KHDRBS3: variants seen among roughly 807,000 people sequenced by gnomAD.
The protein encoded by KHDRBS3 is KH RNA binding domain containing, signal transduction associated 3.
Under a neutral mutation model 45.6 loss-of-function variants are expected in KHDRBS3, and 23 were observed. The ratio of observed to expected loss-of-function variants is 0.50; its 90% CI spans 0.36 to 0.72. The LOEUF (loss-of-function observed/expected upper bound fraction) is 0.72, where lower values mean the gene tolerates loss of function less well. KHDRBS3 is among the 30% of genes least tolerant of loss of function. KHDRBS3 has a pLI of 0.00. For synonymous variants in KHDRBS3, 162 were observed against 156.5 expected (o/e 1.04, Z -0.26); for missense variants, 352 against 424.8 (o/e 0.83, Z 1.51).
intron 1 of KHDRBS3, among the ~76,000 whole-genome samples, chr8:135,476,634 C>G (rs764708595): frequency 7.2e-5 from 11 of 152,164 alleles, no homozygotes; most frequent in Non-Finnish European, 1.5e-4. Context: ...GGTAATAACA[C>G]TGTTACCATT....
At chr8:135,580,066 C>G (rs1428499824) in intron 5 of KHDRBS3, among the ~76,000 whole-genome samples, 3 of 152,168 alleles carry the variant, frequency 2.0e-5, no homozygotes, top group Non-Finnish European at 4.4e-5. Context: ...CTTTTCCTCC[C>G]CATCTCTGGC....
chr8:135,467,503 T>G (rs1234373879), intron 1 of KHDRBS3, among the ~76,000 whole-genome samples: 2 of 152,268 alleles, frequency 1.3e-5, no homozygotes, highest in African/African-American at 4.8e-5. Context: ...GGTTTCAGTT[T>G]GCAGTAGCTG....
intron 5 of KHDRBS3, among the ~76,000 whole-genome samples, chr8:135,574,129 A>G (rs994938243): frequency 6.6e-6 from 1 of 152,034 alleles, no homozygotes; most frequent in African/African-American, 2.4e-5. Context: ...ACTTTGCGAT[A>G]AGACAGGATT....
chr8:135,552,804 G>C (rs1487096929), intron 4 of KHDRBS3, among the ~76,000 whole-genome samples: 1 of 152,034 alleles, frequency 6.6e-6, no homozygotes, highest in Non-Finnish European at 1.5e-5. Flanking sequence ...GATGTTGTCT[G>C]TGTCAGCACT....
rs913124255 is a variant in KHDRBS3, at chr8:135,642,359, G to A, written c.891-2700G>A. ...GGCCTCAGCTGCCTCGTCTATAAAAGCATAGAGTTTTTTTAGATTAGGTGA... is the reference window on the plus strand; with the variant it reads ...GGCCTCAGCTGCCTCGTCTATAAAAACATAGAGTTTTTTTAGATTAGGTGA... On this transcript the variant is annotated intron_variant, in intron 7 of 8. Coordinates refer to ENST00000355849, the MANE Select transcript of KHDRBS3 (RefSeq NM_006558.3). 2.0e-5 allele frequency among the ~76,000 whole-genome samples: 3 copies of A among 152,216 alleles called. No individual in the cohort carries two copies. The South Asian group carries it at 6.2e-4, about 32-fold the overall frequency.
intron 5 of KHDRBS3, among the ~76,000 whole-genome samples, chr8:135,568,574 A>G (rs886198420): frequency 2.0e-5 from 3 of 152,232 alleles, no homozygotes; most frequent in Non-Finnish European, 4.4e-5. Context: ...GAGTGTTTAT[A>G]AAGAAGCCCA....
intron 2 of KHDRBS3, among the ~76,000 whole-genome samples, chr8:135,524,175 C>G (rs1825060574): frequency 6.6e-6 from 1 of 152,090 alleles, no homozygotes; most frequent in Non-Finnish European, 1.5e-5. Context: ...ACCACCATGC[C>G]TGGCTAACAT....
Position 135,645,587 on chromosome 8 carries a change from AGCACT to A in KHDRBS3, c.949+472_949+476del, listed in dbSNP as rs568942424. On this transcript the variant is annotated intron_variant, in intron 8 of 8. Transcript: ENST00000355849. The stretch of plus-strand genomic sequence containing the variant: ...GGAGTCATTTCATAAAGGTTACAAA[AGCACT>A]GAGCCAAGGAGGAGATACAGGGTCT... Among the ~76,000 whole-genome samples the A allele has an allele frequency of 1.0e-3, 158 of 152,348 alleles. 1 individual carries two copies. The highest frequency in any genetic ancestry group is 3.8e-3 in the African/African-American group (156 of 41,568).
intron 4 of KHDRBS3, among the ~76,000 whole-genome samples, chr8:135,655,466 C>T (rs2058311527): frequency 6.6e-6 from 1 of 152,170 alleles, no homozygotes; most frequent in Non-Finnish European, 1.5e-5. Context: ...AGGAGGGTGT[C>T]AACCAAGACA....
Position 135,550,873 on chromosome 8 carries a change from C to T in KHDRBS3, c.471+1973C>T, listed in dbSNP as rs373272708. 2.6e-4 allele frequency among the ~76,000 whole-genome samples: 40 copies of T among 152,208 alleles called. No homozygotes were observed. In the East Asian group the frequency reaches 6.0e-3, roughly 23 times the overall value. On this transcript the variant is annotated intron_variant, in intron 4 of 8. Coordinates refer to ENST00000355849, the MANE Select transcript of KHDRBS3 (RefSeq NM_006558.3). The stretch of plus-strand genomic sequence containing the variant: ...TCCAGGAACATGAAATGTTTCTTCA[C>T]TTTTAAAAAAGATATTTTAAAATTT...
intron 6 of KHDRBS3, among the ~76,000 whole-genome samples, chr8:135,586,059 AC>A (rs1158590279): frequency 6.6e-6 from 1 of 152,210 alleles, no homozygotes; most frequent in Non-Finnish European, 1.5e-5. Context: ...AGAAAAACCT[AC>A]TGTAAATCTC....
chr8:135,521,155 A>G (rs1397737605), intron 1 of KHDRBS3, 82 bp from the exon 2 acceptor site: 7 of 766,188 alleles, frequency 9.1e-6, no homozygotes, highest in East Asian at 2.5e-5. Flanking sequence ...AGTTGATTTC[A>G]TGCCACTACA....
intron 1 of KHDRBS3, among the ~76,000 whole-genome samples, chr8:135,504,183 G>C (rs1823875149): frequency 1.3e-5 from 2 of 152,116 alleles, no homozygotes; most frequent in South Asian, 4.1e-4. Context: ...ACTAAATTAA[G>C]CTCCTCTTTC....
At chr8:135,570,313 T>A (rs1275954616) in intron 5 of KHDRBS3, among the ~76,000 whole-genome samples, 1 of 152,220 alleles carries the variant, frequency 6.6e-6, no homozygotes, top group African/African-American at 2.4e-5. Flanking sequence ...ATATTATCTT[T>A]AAAATTGATT....
chr8:135,623,285 T>C (rs1196371784), intron 7 of KHDRBS3, among the ~76,000 whole-genome samples: 1 of 152,204 alleles, frequency 6.6e-6, no homozygotes, highest in African/African-American at 2.4e-5. Flanking sequence ...GAGAAATTAA[T>C]TGATGTTTGA....
intron 1 of KHDRBS3, among the ~76,000 whole-genome samples, chr8:135,469,097 C>T (rs1043278347): frequency 1.6e-4 from 24 of 152,244 alleles, no homozygotes; most frequent in African/African-American, 1.4e-4. Context: ...CTGAGAGGCA[C>T]GACTCCAGCA....
At chr8:135,628,579 A>T (rs1830469508) in intron 7 of KHDRBS3, among the ~76,000 whole-genome samples, 1 of 152,222 alleles carries the variant, frequency 6.6e-6, no homozygotes, top group Non-Finnish European at 1.5e-5. Context: ...AGTGATATCT[A>T]TTATTAGTGT....
intron 1 of KHDRBS3, among the ~76,000 whole-genome samples, chr8:135,490,412 G>C (rs1475234172): frequency 6.6e-6 from 1 of 152,058 alleles, no homozygotes; most frequent in Non-Finnish European, 1.5e-5. Context: ...ACCTGGCAGG[G>C]AGAAGCTCCT....
At chr8:135,469,517 GTTTTGGTTTT>G (rs1563699611) in intron 1 of KHDRBS3, among the ~76,000 whole-genome samples, 11 of 30,678 alleles carry the variant, frequency 3.6e-4, no homozygotes, top group African/African-American at 8.9e-4. Flanking sequence ...TTTTTTTTTT[GTTTTGGTTTT>G]TTTTTTTTTT....
Sources: allele counts gnomAD v4.1 joint callset (sites outside exome capture counted in the v4.1 genomes callset), GRCh38; gene constraint gnomAD v4.1.1; transcripts MANE v1.5; gene names NCBI Gene and HGNC (gene_info 2026-07-23, HGNC 2026-07-21).